The following TC2N variants were observed in gnomAD, a reference collection of about 807,000 sequenced individuals.
TC2N encodes the protein tandem C2 domains, nuclear, also known as tandem C2 domains nuclear protein.
In TC2N, 51 loss-of-function variants were observed where a neutral mutation model predicts 61.9. That is an observed-to-expected ratio of 0.82 (90% CI 0.66 to 1.04). The LOEUF (loss-of-function observed/expected upper bound fraction) is 1.04. Ranked by LOEUF, TC2N falls within the 50% of genes least tolerant of loss-of-function variation. The pLI, the probability that TC2N is intolerant of heterozygous loss-of-function variation, is 0.00. For missense variants in TC2N, 556 were observed against 566.7 expected, an observed-to-expected ratio of 0.98 and a Z score of 0.19; for synonymous variants, 204 against 192.6, an observed-to-expected ratio of 1.06 and a Z score of -0.49.
chr14:91,846,775 T>C (rs1471352370), intron 1 of TC2N, among the ~76,000 whole-genome samples: 1 of 152,224 alleles, frequency 6.6e-6, no homozygotes, highest in Non-Finnish European at 1.5e-5. Context: ...TGGTAACAAA[T>C]TACTGGTAAC....
chr14:91,794,731 G>A (rs967569617), intron 8 of TC2N, among the ~76,000 whole-genome samples: 1 of 152,050 alleles, frequency 6.6e-6, no homozygotes, highest in Non-Finnish European at 1.5e-5. Context: ...CCCTGACAGA[G>A]ATGTATACAG....
chr14:91,851,277 C>T (rs1566789768), intron 1 of TC2N, among the ~76,000 whole-genome samples: 1 of 152,164 alleles, frequency 6.6e-6, no homozygotes, highest in Non-Finnish European at 1.5e-5. Flanking sequence ...TACAATAATA[C>T]AGGGTGTGTA....
intron 1 of TC2N, chr14:91,866,553 C>T (rs547913303): frequency 2.0e-5 from 3 of 152,330 alleles, no homozygotes; most frequent in East Asian, 1.9e-4. Context: ...GGTGGTAACA[C>T]GAGAGCTTTT....
In TC2N at chr14:91,813,657, G is replaced by T. The variant is rs769043620; in HGVS notation, c.67+46C>A. On this transcript the variant is annotated intron_variant, in intron 2 of 11. Transcript: ENST00000435962. ...CTTTATATTACAAAATGCCACAAAT[G>T]AAGAAGATGCTACATAAATGTTACT... 2.2e-6 allele frequency: 3 copies of T among 1,343,616 alleles called. No homozygotes were observed. In the African/African-American group the frequency reaches 4.3e-5, roughly 19 times the overall value. 83.2% of individuals were successfully genotyped at this position (1,343,616 alleles called of 1,614,324 possible).
chr14:91,857,508 T>C (rs1888505497), intron 1 of TC2N, among the ~76,000 whole-genome samples: 1 of 152,128 alleles, frequency 6.6e-6, no homozygotes, highest in South Asian at 2.1e-4. Flanking sequence ...TCTCAGACAA[T>C]AGGGAAGAAA....
chr14:91,819,770 G>A (rs925834786), intron 1 of TC2N, among the ~76,000 whole-genome samples: 1 of 152,194 alleles, frequency 6.6e-6, no homozygotes, highest in South Asian at 2.1e-4. Context: ...AAGGCCGGGG[G>A]AGAAATAAAA....
At chr14:91,840,647 T>G (rs1454768258) in intron 1 of TC2N, among the ~76,000 whole-genome samples, 1 of 152,134 alleles carries the variant, frequency 6.6e-6, no homozygotes, top group African/African-American at 2.4e-5. Context: ...CAAAGTCTAG[T>G]ATATATTCAG....
chr14:91,852,484 G>C (rs1184626459), intron 1 of TC2N, among the ~76,000 whole-genome samples: 1 of 152,060 alleles, frequency 6.6e-6, no homozygotes, highest in Non-Finnish European at 1.5e-5. Context: ...CGGGAAACCT[G>C]CCTTTGATCA....
At chr14:91,824,193 C>A (rs188939405) in intron 1 of TC2N, among the ~76,000 whole-genome samples, 1 of 152,134 alleles carries the variant, frequency 6.6e-6, no homozygotes, top group East Asian at 1.9e-4. Context: ...GCTATAAACA[C>A]CCTAGTCACT....
chr14:91,844,792 C>G (rs1292961818), intron 1 of TC2N, among the ~76,000 whole-genome samples: 1 of 145,356 alleles, frequency 6.9e-6, no homozygotes, highest in African/African-American at 2.5e-5. Flanking sequence ...AAAAAAGCCA[C>G]CTTATGTTAC....
At position 91,797,864 on chromosome 14, in the gene TC2N, G is replaced by C; in HGVS notation, c.776C>G (p.Thr259Ser). The C allele has an allele frequency of 6.2e-7, 1 of 1,609,088 alleles. No individual in the cohort carries two copies. Among genetic ancestry groups the C allele is most frequent in the Non-Finnish European group, 8.5e-7 (1 of 1,177,242 alleles). The change falls in exon 8 of 12, where the codon ACT becomes AGT. Residue 259 changes from threonine (T) to serine (S), a missense_variant. Thr to Ser is a moderately conservative substitution (Grantham distance 58, BLOSUM62 1). Coordinates refer to ENST00000435962, the MANE Select transcript of TC2N (RefSeq NM_001128596.3). Reference protein sequence around the residue: ...DLSWPSSYGDTPTVSIKGILT... With the variant: ...DLSWPSSYGDSPTVSIKGILT... ...TATTCCTTTTATAGAAACAGTAGGA[G>C]TGTCTCCATAACTAGAGGGCCAACT...
At chr14:91,842,137 T>G (rs1888174969) in intron 1 of TC2N, among the ~76,000 whole-genome samples, 1 of 152,010 alleles carries the variant, frequency 6.6e-6, no homozygotes, top group African/African-American at 2.4e-5. Flanking sequence ...TTTGTATTTT[T>G]TTGTAGAGAC....
At chr14:91,814,076 A>G (rs1886897896) in intron 1 of TC2N, among the ~76,000 whole-genome samples, 1 of 151,544 alleles carries the variant, frequency 6.6e-6, no homozygotes, top group East Asian at 1.9e-4. Context: ...GAAAAATTCC[A>G]TTCTTAATTT....
chr14:91,814,153 T>TGAGA lies in TC2N; in HGVS notation c.-56-332_-56-329dup, dbSNP rs145840886. 3.4e-3 allele frequency among the ~76,000 whole-genome samples: 501 copies of TGAGA among 146,106 alleles called. 2 individuals are homozygous for TGAGA. Among genetic ancestry groups the TGAGA allele is most frequent in the African/African-American group, 0.012 (464 of 40,112 alleles). ...TAGAGTAACAAGAGGGGTGTGTTTA[T>TGAGA]GAGAGAGAGAGAGAGAGAAGGGACA... On this transcript the variant is annotated intron_variant, in intron 1 of 11. Transcript: ENST00000435962.
intron 4 of TC2N, 47 bp downstream of exon 4, chr14:91,802,207 T>C (rs749488332): frequency 2.1e-6 from 3 of 1,448,064 alleles, no homozygotes; most frequent in Non-Finnish European, 2.7e-6. Context: ...ATTTCTAAAT[T>C]TCTTAAAGAG....
intron 3 of TC2N, among the ~76,000 whole-genome samples, chr14:91,811,043 A>T (rs1250223286): frequency 6.6e-6 from 1 of 152,144 alleles, no homozygotes; most frequent in East Asian, 1.9e-4. Flanking sequence ...ATATTCAACA[A>T]ATATACACTT....
At chr14:91,809,377 C>A (rs73337869) in intron 3 of TC2N, among the ~76,000 whole-genome samples, 20,588 of 152,110 alleles carry the variant, frequency 0.14, 1,570 homozygotes, top group Middle Eastern at 0.21. Context: ...CACTGCACTC[C>A]AGCCTGGGCA....
Position 91,786,495 on chromosome 14 carries a change from T to C in TC2N, c.1162+1018A>G, listed in dbSNP as rs142956566. Among the ~76,000 whole-genome samples the C allele has an allele frequency of 9.1e-3, 1,388 of 152,322 alleles. 9 individuals carry two copies. Among genetic ancestry groups the C allele is most frequent in the Non-Finnish European group, 0.015 (1,019 of 68,024 alleles). On this transcript the variant is annotated intron_variant, in intron 10 of 11. Coordinates refer to ENST00000435962, the MANE Select transcript of TC2N (RefSeq NM_001128596.3). ...GGTAGAATCTCCCAGTACAATTACCTTGGTCTAGTGCTTTTATTAGAGGCA... is the reference window on the plus strand; with the variant it reads ...GGTAGAATCTCCCAGTACAATTACCCTGGTCTAGTGCTTTTATTAGAGGCA...
In TC2N at chr14:91,812,362, T is replaced by C. The variant is rs1326608121; in HGVS notation, c.251A>G (p.Tyr84Cys). 2 of 1,612,554 alleles carry C rather than the reference T, an allele frequency of 1.2e-6. No homozygotes were observed. The highest frequency in any genetic ancestry group is 8.5e-7 in the Non-Finnish European group (1 of 1,179,086). Residue 84 changes from tyrosine (Y) to cysteine (C), a missense_variant, in exon 3 of 12, where the codon TAC becomes TGC. Coordinates refer to ENST00000435962, the MANE Select transcript of TC2N (RefSeq NM_001128596.3). ...AGTTTCTTGTGTCCTGGGTTGAATG[T>C]AAGATAACTTAAACTTGGGCACCAC... ...PFVVPKFKLS[Y>C]IQPRTQETPS... is the part of the protein sequence containing the mutation.
Sources: allele counts gnomAD v4.1 joint callset (sites outside exome capture counted in the v4.1 genomes callset), GRCh38; gene constraint gnomAD v4.1.1; transcripts MANE v1.5; gene names NCBI Gene and HGNC (gene_info 2026-07-23, HGNC 2026-07-21).